The following DNAH14 variants were observed in gnomAD, a reference collection of about 807,000 sequenced individuals.
The protein encoded by DNAH14 is dynein axonemal heavy chain 14, also known as axonemal beta dynein heavy chain 14.
In DNAH14, 478 loss-of-function variants were observed where a neutral mutation model predicts 520.9. The ratio of observed to expected loss-of-function variants is 0.92; its 90% CI spans 0.85 to 0.99. The LOEUF (loss-of-function observed/expected upper bound fraction) is 0.99, where lower values mean the gene tolerates loss of function less well. Ranked by LOEUF, DNAH14 falls within the 50% of genes least tolerant of loss-of-function variation. DNAH14 has a pLI of 0.00. For missense variants in DNAH14, 4,831 were observed against 5,234.5 expected (o/e 0.92, Z 2.38); for synonymous variants, 1,581 against 1,757.2 (o/e 0.90, Z 2.51).
In DNAH14 at chr1:225,144,569, G is replaced by A; in HGVS notation, c.4681G>A (p.Gly1561Ser). The change falls in exon 29 of 86, where the codon GGC becomes AGC. Residue 1561 changes from glycine (G) to serine (S), a missense_variant. Physicochemically the swap from Gly to Ser is moderately conservative, Grantham distance 56. Coordinates refer to ENST00000682510, the MANE Select transcript of DNAH14 (RefSeq NM_001367479.1). The part of the protein sequence containing the change: ...LMEALHLNLG[G>S]CPAGPAGTGK... ...GGAAGCACTACACTTGAATCTAGGA[G>A]GCTGTCCTGCCGGTCCAGCTGGTAC... is the stretch of plus-strand genomic sequence containing the variant. The A allele has an allele frequency of 6.4e-7, 1 of 1,551,526 alleles. No individual in the cohort carries two copies. The highest frequency in any genetic ancestry group is 2.4e-5 in the East Asian group (1 of 40,900).
intron 66 of DNAH14, among the ~76,000 whole-genome samples, chr1:225,335,828 T>C (rs531325096): frequency 9.5e-6 from 1 of 105,618 alleles, no homozygotes; most frequent in Admixed American, 1.0e-4. Context: ...CATACACATA[T>C]GTACATATAT....
At position 225,360,763 on chromosome 1, in the gene DNAH14, C is replaced by T. The variant is rs1365713680; in HGVS notation, c.11859C>T (p.Gly3953=). The T allele has an allele frequency of 1.3e-6, 2 of 1,551,572 alleles. No homozygotes were observed. Among genetic ancestry groups the T allele is most frequent in the Non-Finnish European group, 1.7e-6 (2 of 1,146,988 alleles). The stretch of plus-strand genomic sequence containing the variant: ...ATCATGTGACCATAATTTCTCTGGG[C>T]CGTGACCAAGCAGCTAAAGCTGAAG... ...TTHHVTIISL[G]RDQAAKAEDL... The change falls in exon 75 of 86, where the codon GGC becomes GGT. Residue 3953 remains glycine (G), a synonymous_variant. Coordinates refer to ENST00000682510, the MANE Select transcript of DNAH14 (RefSeq NM_001367479.1).
intron 75 of DNAH14, among the ~76,000 whole-genome samples, chr1:225,364,255 G>A (rs543877123): frequency 6.6e-6 from 1 of 152,098 alleles, no homozygotes; most frequent in Admixed American, 6.5e-5. Context: ...TTCACCTACT[G>A]GTTTTTAAAG....
At chr1:225,061,494 C>G (rs1005633773) in intron 17 of DNAH14, among the ~76,000 whole-genome samples, 1 of 152,206 alleles carries the variant, frequency 6.6e-6, no homozygotes, top group Non-Finnish European at 1.5e-5. Flanking sequence ...TGCTTTGGCT[C>G]ATGCTCGGTG....
intron 10 of DNAH14, among the ~76,000 whole-genome samples, chr1:225,011,198 C>T (rs957845026): frequency 5.3e-5 from 8 of 152,008 alleles, no homozygotes; most frequent in South Asian, 2.1e-4. Context: ...GTTAGGGTGT[C>T]GATTTTAGAT....
At position 225,159,452 on chromosome 1, in the gene DNAH14, G is replaced by A; in HGVS notation, c.5412G>A (p.Val1804=). ...TTATAGGAGATATTTTTCCAGAAGTGACAGTTTTGAAAGTAAATCAACTTG... is the reference window on the plus strand; with the variant it reads ...TTATAGGAGATATTTTTCCAGAAGTAACAGTTTTGAAAGTAAATCAACTTG... The part of the protein sequence containing the change: ...ENIIGDIFPE[V]TVLKVNQLAL... The change falls in exon 35 of 86, where the codon GTG becomes GTA. Residue 1804 remains valine (V), a synonymous_variant. Transcript: ENST00000682510. 2.0e-6 allele frequency: 3 copies of A among 1,537,996 alleles called. No individual in the cohort carries two copies. Among genetic ancestry groups the A allele is most frequent in the Non-Finnish European group, 1.8e-6 (2 of 1,142,098 alleles).
At chr1:225,211,960 GGTTT>G (rs1171732016) in intron 41 of DNAH14, among the ~76,000 whole-genome samples, 1 of 151,432 alleles carries the variant, frequency 6.6e-6, no homozygotes, top group Non-Finnish European at 1.5e-5. Context: ...ACAACGTGCA[GGTTT>G]GTTACGTATG....
chr1:225,302,802 C>T lies in DNAH14; in HGVS notation c.8632-354C>T, dbSNP rs574469050. Among the ~76,000 whole-genome samples the T allele has an allele frequency of 9.0e-4, 137 of 152,292 alleles. 2 individuals carry two copies. Among genetic ancestry groups the T allele is most frequent in the African/African-American group, 3.2e-3 (134 of 41,574 alleles). On this transcript the variant is annotated intron_variant, in intron 56 of 85. Transcript: ENST00000682510. The stretch of plus-strand genomic sequence containing the variant: ...TTTCAGCTCTAATTCATCTGACCAT[C>T]TTCTCACTTTGAGTTTCTGTGGGTC...
intron 1 of DNAH14, among the ~76,000 whole-genome samples, chr1:224,948,580 A>G (rs1218306363): frequency 1.3e-5 from 2 of 151,724 alleles, no homozygotes; most frequent in East Asian, 1.9e-4. Context: ...ATATGTTTCT[A>G]TTTATTTCTG....
intron 41 of DNAH14, among the ~76,000 whole-genome samples, chr1:225,216,352 G>T (rs2089321565): frequency 1.3e-5 from 2 of 152,094 alleles, no homozygotes; most frequent in Non-Finnish European, 2.9e-5. Context: ...TTCAACTTTG[G>T]TGAATCTGAC....
At chr1:225,332,805 G>T (rs111947906) in intron 65 of DNAH14, among the ~76,000 whole-genome samples, 2 of 145,458 alleles carry the variant, frequency 1.4e-5, no homozygotes, top group Non-Finnish European at 3.0e-5. Flanking sequence ...GACCAACCGG[G>T]CAATGTAGCA....
chr1:225,183,484 T>C (rs1413009409), intron 36 of DNAH14, among the ~76,000 whole-genome samples: 1 of 152,136 alleles, frequency 6.6e-6, no homozygotes, highest in Non-Finnish European at 1.5e-5. Flanking sequence ...ATTAGCAATC[T>C]AGCATTGCAC....
chr1:225,350,020 A>C (rs2095343486), intron 71 of DNAH14, among the ~76,000 whole-genome samples: 1 of 152,178 alleles, frequency 6.6e-6, no homozygotes, highest in Non-Finnish European at 1.5e-5. Context: ...GCACAAAAAC[A>C]TTCCCCAGAT....
At chr1:225,078,648 A>AG (rs1000357806) in intron 17 of DNAH14, among the ~76,000 whole-genome samples, 3 of 152,090 alleles carry the variant, frequency 2.0e-5, no homozygotes, top group Non-Finnish European at 4.4e-5. Context: ...CCACATGTTA[A>AG]GGGGGGTCAC....
At chr1:225,010,223 C>T (rs952799987) in intron 10 of DNAH14, among the ~76,000 whole-genome samples, 10 of 152,082 alleles carry the variant, frequency 6.6e-5, no homozygotes, top group African/African-American at 2.4e-4. Flanking sequence ...ATAATATTGA[C>T]TGTGGGTTTG....
intron 27 of DNAH14, among the ~76,000 whole-genome samples, chr1:225,125,985 G>C (rs936721971): frequency 6.6e-6 from 1 of 152,132 alleles, no homozygotes; most frequent in African/African-American, 2.4e-5. Flanking sequence ...CGAAGAAGAA[G>C]GAGAGAGATG....
intron 8 of DNAH14, among the ~76,000 whole-genome samples, chr1:224,975,583 C>G (rs916764632): frequency 1.4e-4 from 21 of 146,132 alleles, no homozygotes; most frequent in Non-Finnish European, 3.0e-4. Context: ...TCCCCTTTAT[C>G]ATTTTTTATT....
intron 17 of DNAH14, among the ~76,000 whole-genome samples, chr1:225,060,504 T>C (rs2069895538): frequency 6.6e-6 from 1 of 152,336 alleles, no homozygotes; most frequent in South Asian, 2.1e-4. Context: ...GAAGCCTTTT[T>C]CTCTCAACTC....
chr1:225,372,347 T>C (rs543198721), intron 77 of DNAH14, among the ~76,000 whole-genome samples: 20 of 152,320 alleles, frequency 1.3e-4, no homozygotes, highest in African/African-American at 3.8e-4. Flanking sequence ...AAAAATCCAC[T>C]ATACTAAAAT....
Sources: gnomAD v4.1 joint callset for allele counts (sites outside exome capture counted in the v4.1 genomes callset) on GRCh38, gnomAD v4.1.1 for gene constraint, MANE v1.5 for transcripts, NCBI Gene and HGNC (gene_info 2026-07-23, HGNC 2026-07-21) for gene names.